The following KIFC3 variants were observed in gnomAD, a reference collection of about 807,000 sequenced individuals.
KIFC3 encodes kinesin family member C3.
In KIFC3, 60 loss-of-function variants were observed where a neutral mutation model predicts 101.8. The observed-to-expected ratio is 0.59, with a 90% confidence interval of 0.48 to 0.73. The LOEUF (loss-of-function observed/expected upper bound fraction) is 0.73. KIFC3 is among the 30% of genes least tolerant of loss of function. The pLI is 0.00. For synonymous variants in KIFC3, 476 were observed against 482.7 expected (o/e 0.99, Z 0.18); for missense variants, 966 against 1,137.1 (o/e 0.85, Z 2.16).
In KIFC3 at chr16:57,764,952, G is replaced by A. The variant is rs189330449; in HGVS notation, c.1512+507C>T. Reference sequence around the variant, plus strand: ...TGGGAGGAGCCACAGCATGAGGGTGGGATGGGCTGTGATGGTAGGAGGGGC... The same window carrying A: ...TGGGAGGAGCCACAGCATGAGGGTGAGATGGGCTGTGATGGTAGGAGGGGC... On this transcript the variant is annotated intron_variant, in intron 11 of 19. Coordinates refer to ENST00000445690, the MANE Select transcript of KIFC3 (RefSeq NM_001130100.2). Among the ~76,000 whole-genome samples the A allele has an allele frequency of 5.4e-3, 816 of 151,798 alleles. 24 individuals carry two copies. Among genetic ancestry groups the A allele is most frequent in the Admixed American group, 0.049 (740 of 15,222 alleles).
intron 1 of KIFC3, among the ~76,000 whole-genome samples, chr16:57,835,858 G>A (rs1272192363): frequency 1.3e-5 from 2 of 152,184 alleles, no homozygotes; most frequent in Non-Finnish European, 2.9e-5. Flanking sequence ...GCTAAGGCGT[G>A]AAAATGGCTT....
intron 3 of KIFC3, among the ~76,000 whole-genome samples, chr16:57,786,547 G>A (rs569478884): frequency 6.6e-6 from 1 of 152,030 alleles, no homozygotes; most frequent in Admixed American, 6.6e-5. Context: ...AGGGATGGGG[G>A]GTTTGCCTCC....
chr16:57,837,581 G>GAAAGAAAGAAAGAAAGAA (rs1458271827), intron 1 of KIFC3, among the ~76,000 whole-genome samples: 31 of 151,662 alleles, frequency 2.0e-4, no homozygotes, highest in East Asian at 1.2e-3. Context: ...AAGAAAGAAA[G>GAAAGAAAGAAAGAAAGAA]AGTAGCAGTA....
chr16:57,794,338 A>T (rs1171310776), intron 3 of KIFC3, among the ~76,000 whole-genome samples: 3 of 150,240 alleles, frequency 2.0e-5, no homozygotes, highest in Non-Finnish European at 4.4e-5. Context: ...CGATCCTCCC[A>T]CCCCAGCCTC....
At chr16:57,815,652 G>T in intron 1 of KIFC3, 1 of 1,289,764 alleles carries the variant, frequency 7.8e-7, no homozygotes, top group Non-Finnish European at 1.0e-6. Flanking sequence ...AAACGTAAGT[G>T]AAGTGGGTAT....
chr16:57,793,884 A>C (rs1482132900), intron 3 of KIFC3, among the ~76,000 whole-genome samples: 1 of 152,228 alleles, frequency 6.6e-6, no homozygotes, highest in Admixed American at 6.5e-5. Flanking sequence ...AAGATAAACA[A>C]ATAAACACCA....
At chr16:57,779,735 A>T (rs1214941095) in intron 3 of KIFC3, 1 of 152,058 alleles carries the variant, frequency 6.6e-6, no homozygotes, top group African/African-American at 2.4e-5. Flanking sequence ...AATCACTTGA[A>T]CCCAGGAGGC....
intron 1 of KIFC3, among the ~76,000 whole-genome samples, chr16:57,851,452 C>T (rs1344580244): frequency 2.0e-5 from 3 of 151,932 alleles, no homozygotes; most frequent in Non-Finnish European, 4.4e-5. Flanking sequence ...TTTATTTTTC[C>T]TTATCCCTGG....
In KIFC3 at chr16:57,802,120, G is replaced by A. The variant is rs996037143; in HGVS notation, c.-40+250C>T. ...AATAAAATCCAAACGGGGTCCCGAGGCTGCTCGGATCCCGTGGGACACGCC... is the reference window on the plus strand; with the variant it reads ...AATAAAATCCAAACGGGGTCCCGAGACTGCTCGGATCCCGTGGGACACGCC... On this transcript the variant is annotated intron_variant, in intron 1 of 19. Transcript: ENST00000445690. This position sits in a 1 kb window ranked among gnomAD's most constrained non-coding sequence, Gnocchi z 5.0. Among the ~76,000 whole-genome samples the A allele has an allele frequency of 1.3e-5, 2 of 152,344 alleles. No homozygotes were observed. Among genetic ancestry groups the A allele is most frequent in the Non-Finnish European group, 2.9e-5 (2 of 68,026 alleles).
intron 1 of KIFC3, among the ~76,000 whole-genome samples, chr16:57,820,471 C>T (rs1268797800): frequency 1.3e-5 from 2 of 151,870 alleles, no homozygotes; most frequent in Non-Finnish European, 2.9e-5. Context: ...GATGAGGCCT[C>T]ACTGTGTTTT....
intron 3 of KIFC3, among the ~76,000 whole-genome samples, chr16:57,780,951 A>G (rs1209383086): frequency 6.6e-6 from 1 of 151,652 alleles, no homozygotes; most frequent in Non-Finnish European, 1.5e-5. Flanking sequence ...CTGGGATTAC[A>G]GGTGTGAGCC....
chr16:57,821,067 G>A (rs1194701970), intron 1 of KIFC3, among the ~76,000 whole-genome samples: 6 of 151,996 alleles, frequency 3.9e-5, no homozygotes, highest in African/African-American at 1.5e-4. Flanking sequence ...GAAGTTCGAG[G>A]CCGCAGTGAG....
At chr16:57,802,824 G>A (rs1450906787), upstream of KIFC3, 5 of 844,592 alleles carry the variant, frequency 5.9e-6, no homozygotes, top group African/African-American at 1.7e-5. This position sits in a 1 kb window ranked among gnomAD's most constrained non-coding sequence, Gnocchi z 5.0. Flanking sequence ...CACACCTGGT[G>A]AGCCATGCGT....
chr16:57,858,868 T>A (rs534550356), intron 1 of KIFC3, among the ~76,000 whole-genome samples: 1 of 152,120 alleles, frequency 6.6e-6, no homozygotes, highest in Non-Finnish European at 1.5e-5. Flanking sequence ...GAGAATAGCT[T>A]GAACTGGGGA....
At chr16:57,790,239 C>T (rs1363667733) in intron 3 of KIFC3, among the ~76,000 whole-genome samples, 5 of 151,676 alleles carry the variant, frequency 3.3e-5, no homozygotes, top group African/African-American at 7.3e-5. Context: ...ACCACCATGA[C>T]TGGCTGATTT....
chr16:57,859,976 C>G (rs938702161), intron 1 of KIFC3, among the ~76,000 whole-genome samples: 1 of 147,280 alleles, frequency 6.8e-6, no homozygotes, highest in Non-Finnish European at 1.5e-5. Context: ...GAGTTGAGAT[C>G]GTGCCACTGC....
chr16:57,805,182 C>T (rs574324152), upstream of KIFC3, among the ~76,000 whole-genome samples: 15 of 152,116 alleles, frequency 9.9e-5, no homozygotes, highest in South Asian at 1.2e-3. Context: ...CTAGCTCTGT[C>T]GCCCTGGTTG....
At chr16:57,780,743 TG>T (rs1232565304) in intron 3 of KIFC3, among the ~76,000 whole-genome samples, 1 of 145,526 alleles carries the variant, frequency 6.9e-6, no homozygotes, top group Admixed American at 6.9e-5. Context: ...GGCGCAATCT[TG>T]GCTCACTGCA....
intron 1 of KIFC3, chr16:57,815,369 C>T (rs1555628578): frequency 2.2e-5 from 23 of 1,049,980 alleles, no homozygotes; most frequent in East Asian, 7.8e-5. Context: ...GCCACAGGTA[C>T]ATCTCTGTGC....
Sources: allele counts gnomAD v4.1 joint callset (sites outside exome capture counted in the v4.1 genomes callset), GRCh38; gene constraint gnomAD v4.1.1; non-coding constraint Gnocchi (gnomAD v3.1); transcripts MANE v1.5; gene names NCBI Gene and HGNC (gene_info 2026-07-23, HGNC 2026-07-21).